The following RGS6 variants were observed in gnomAD, a reference collection of about 807,000 sequenced individuals.
RGS6 encodes the protein regulator of G-protein signaling 6.
In RGS6, 30 loss-of-function variants were observed where a neutral mutation model predicts 78.5. The ratio of observed to expected loss-of-function variants is 0.38; its 90% CI spans 0.29 to 0.52. The LOEUF is 0.52. Ranked by LOEUF, RGS6 falls within the 20% of genes least tolerant of loss-of-function variation. RGS6 has a pLI of 0.85. For synonymous variants in RGS6, 206 were observed against 206.0 expected (o/e 1.00, Z 0.00); for missense variants, 495 against 609.7 (o/e 0.81, Z 1.98).
intron 2 of RGS6, among the ~76,000 whole-genome samples, chr14:71,979,947 G>A (rs2094359004): frequency 7.2e-6 from 1 of 139,566 alleles, no homozygotes; most frequent in East Asian, 2.1e-4. Flanking sequence ...GGGTGCTCCT[G>A]TATTGGGTGC....
At chr14:72,235,678 C>A (rs1480362996) in intron 2 of RGS6, among the ~76,000 whole-genome samples, 1 of 152,148 alleles carries the variant, frequency 6.6e-6, no homozygotes, top group East Asian at 1.9e-4. Flanking sequence ...TAACGCCAAA[C>A]CTAGGACTTG....
At chr14:72,497,249 T>G (rs149315404) in intron 13 of RGS6, among the ~76,000 whole-genome samples, 3 of 152,202 alleles carry the variant, frequency 2.0e-5, no homozygotes, top group Non-Finnish European at 2.9e-5. Context: ...ATCCCAAGCA[T>G]CATCAATCAT....
At chr14:72,339,784 C>T (rs1322396507) in intron 2 of RGS6, among the ~76,000 whole-genome samples, 2 of 152,100 alleles carry the variant, frequency 1.3e-5, no homozygotes, top group Non-Finnish European at 2.9e-5. Flanking sequence ...TAAAAATCAG[C>T]AGGAAAGGCA....
chr14:72,118,027 T>C (rs2095947054), intron 2 of RGS6, among the ~76,000 whole-genome samples: 1 of 152,206 alleles, frequency 6.6e-6, no homozygotes, highest in Non-Finnish European at 1.5e-5. Flanking sequence ...CTACAAATGA[T>C]TAAAATTGGG....
intron 2 of RGS6, among the ~76,000 whole-genome samples, chr14:72,229,153 T>C (rs1181131495): frequency 1.3e-5 from 2 of 152,184 alleles, no homozygotes; most frequent in African/African-American, 4.8e-5. Context: ...TGCAAATCTA[T>C]AGTAAAATAA....
chr14:71,930,476 A>G (rs1450783943), upstream of RGS6, among the ~76,000 whole-genome samples: 3 of 152,246 alleles, frequency 2.0e-5, no homozygotes, highest in East Asian at 1.9e-4. Flanking sequence ...ACCATACTAC[A>G]TAGATATATC....
intron 13 of RGS6, among the ~76,000 whole-genome samples, chr14:72,502,690 G>T (rs185014170): frequency 2.0e-5 from 3 of 152,292 alleles, no homozygotes; most frequent in African/African-American, 7.2e-5. Flanking sequence ...TTTGAACCTG[G>T]GAGGCGGAGG....
intron 3 of RGS6, among the ~76,000 whole-genome samples, chr14:72,359,540 C>T (rs867301598): frequency 4.6e-5 from 7 of 152,070 alleles, no homozygotes; most frequent in Middle Eastern, 3.2e-3. Context: ...GTTCATAAGC[C>T]ATCAGCATGT....
chr14:72,585,335 T>C, the RGS6 span, among the ~76,000 whole-genome samples: 1 of 152,206 alleles, frequency 6.6e-6, no homozygotes, highest in Non-Finnish European at 1.5e-5. Flanking sequence ...AGGATAGACA[T>C]TGCAGGCATG....
the RGS6 span, among the ~76,000 whole-genome samples, chr14:72,620,266 C>T: frequency 9.8e-5 from 15 of 152,322 alleles, no homozygotes; most frequent in African/African-American, 2.9e-4. Flanking sequence ...CACCTCACAT[C>T]CAAATTTAAA....
At chr14:72,352,363 C>T (rs1020011443) in intron 3 of RGS6, among the ~76,000 whole-genome samples, 169 bp downstream of exon 3, 3 of 152,190 alleles carry the variant, frequency 2.0e-5, no homozygotes, top group Non-Finnish European at 2.9e-5. Context: ...GAAGAAGCTA[C>T]TTGTTGCCCA....
intron 2 of RGS6, among the ~76,000 whole-genome samples, chr14:72,233,548 A>G (rs975161381): frequency 3.3e-5 from 5 of 152,228 alleles, no homozygotes; most frequent in Non-Finnish European, 7.3e-5. Context: ...AATGTCACTT[A>G]CATTTAAACC....
At chr14:72,381,246 ATAACTC>A (rs976938325) in intron 3 of RGS6, among the ~76,000 whole-genome samples, 20 of 152,240 alleles carry the variant, frequency 1.3e-4, no homozygotes, top group African/African-American at 4.6e-4. Context: ...GCACTGTAGA[ATAACTC>A]TAATTAACAA....
intron 2 of RGS6, among the ~76,000 whole-genome samples, chr14:72,324,702 T>C (rs982097747): frequency 4.6e-5 from 7 of 152,134 alleles, no homozygotes; most frequent in African/African-American, 1.2e-4. Context: ...TTTTTATGGC[T>C]GCATAGTATT....
intron 2 of RGS6, among the ~76,000 whole-genome samples, chr14:72,349,757 A>G (rs903769826): frequency 3.9e-5 from 6 of 152,168 alleles, no homozygotes; most frequent in Non-Finnish European, 8.8e-5. Flanking sequence ...GTGGAGGACA[A>G]AGAAGTCACA....
chr14:72,548,459 A>G (rs2097445663), intron 17 of RGS6, among the ~76,000 whole-genome samples: 1 of 152,134 alleles, frequency 6.6e-6, no homozygotes, highest in South Asian at 2.1e-4. Context: ...TTGGGTTGTA[A>G]TTGACGATAA....
At chr14:72,064,867 CAT>C (rs758330710) in intron 2 of RGS6, among the ~76,000 whole-genome samples, 8 of 152,084 alleles carry the variant, frequency 5.3e-5, no homozygotes, top group East Asian at 1.9e-4. Flanking sequence ...ACTTTGAAAA[CAT>C]AAAAATGGTG....
chr14:72,232,455 G>A (rs888470819), intron 2 of RGS6, among the ~76,000 whole-genome samples: 1 of 152,002 alleles, frequency 6.6e-6, no homozygotes, highest in South Asian at 2.1e-4. Flanking sequence ...TAATATCCAC[G>A]TAACTCAGTC....
intron 17 of RGS6, chr14:72,550,694 T>C: frequency 6.9e-7 from 1 of 1,440,200 alleles, no homozygotes; most frequent in Non-Finnish European, 9.1e-7. Context: ...TTGTGAGTCA[T>C]CACAATCCGG....
Sources: gnomAD v4.1 joint callset for allele counts (sites outside exome capture counted in the v4.1 genomes callset) on GRCh38, gnomAD v4.1.1 for gene constraint, MANE v1.5 for transcripts, NCBI Gene and HGNC (gene_info 2026-07-23, HGNC 2026-07-21) for gene names.